OR6N1: variants seen among roughly 807,000 people sequenced by gnomAD.
OR6N1 encodes the protein olfactory receptor 6N1.
For missense variants in OR6N1, 394 were observed against 371.7 expected, an observed-to-expected ratio of 1.06 and a Z score of -0.49; for synonymous variants, 170 against 150.7, an observed-to-expected ratio of 1.13 and a Z score of -0.94.
chr1:158,777,667 A>C, the OR6N1 span: 4 of 1,423,492 alleles, frequency 2.8e-6, no homozygotes, highest in Admixed American at 3.7e-5. Context: ...AAAGAAGAAA[A>C]CATTGGATTG....
At chr1:158,830,268 G>T in the OR6N1 span, among the ~76,000 whole-genome samples, 1 of 152,126 alleles carries the variant, frequency 6.6e-6, no homozygotes, top group Non-Finnish European at 1.5e-5. Flanking sequence ...CTGAAACAAT[G>T]AACACCCACA....
chr1:158,814,923 AC>A, the OR6N1 span, among the ~76,000 whole-genome samples: 1 of 152,162 alleles, frequency 6.6e-6, no homozygotes, highest in Non-Finnish European at 1.5e-5. Flanking sequence ...ATGCAAACTG[AC>A]CAAGGGCTAT....
chr1:158,815,122 A>G, the OR6N1 span, among the ~76,000 whole-genome samples: 3 of 152,186 alleles, frequency 2.0e-5, no homozygotes, highest in African/African-American at 7.2e-5. Context: ...AGCCTGGAGC[A>G]CTGAGATAAT....
chr1:158,768,924 C>T (rs571436881), intron 1 of OR6N1, among the ~76,000 whole-genome samples: 1 of 152,132 alleles, frequency 6.6e-6, no homozygotes, highest in Non-Finnish European at 1.5e-5. Context: ...TTTATTGGTT[C>T]TCTCCTCTTT....
At chr1:158,815,431 T>G in the OR6N1 span, among the ~76,000 whole-genome samples, 1 of 152,110 alleles carries the variant, frequency 6.6e-6, no homozygotes. Context: ...TTGAGATGAC[T>G]GCAATGTAGG....
chr1:158,795,384 G>A, the OR6N1 span, among the ~76,000 whole-genome samples: 1 of 152,108 alleles, frequency 6.6e-6, no homozygotes, highest in Non-Finnish European at 1.5e-5. Context: ...ATAACACAGG[G>A]GCATCCAGCT....
chr1:158,769,229 T>C (rs545187328), intron 1 of OR6N1, among the ~76,000 whole-genome samples: 1 of 152,224 alleles, frequency 6.6e-6, no homozygotes, highest in African/African-American at 2.4e-5. Context: ...AGTGGCAGGA[T>C]CTCTGCTCAC....
chr1:158,801,139 TAGTC>T, the OR6N1 span, among the ~76,000 whole-genome samples: 29 of 151,326 alleles, frequency 1.9e-4, no homozygotes, highest in East Asian at 2.9e-3. Context: ...TTCTTGGTGT[TAGTC>T]AGTATGTTGC....
chr1:158,814,673 A>T, the OR6N1 span, among the ~76,000 whole-genome samples: 1 of 152,108 alleles, frequency 6.6e-6, no homozygotes, highest in African/African-American at 2.4e-5. Context: ...CACTAATCTC[A>T]TTCATAAGGG....
At chr1:158,792,471 A>G in the OR6N1 span, among the ~76,000 whole-genome samples, 6 of 152,070 alleles carry the variant, frequency 3.9e-5, no homozygotes, top group East Asian at 1.2e-3. Context: ...TCACTGTGTT[A>G]TTATTTTATA....
At chr1:158,769,238 A>T (rs1657352069) in intron 1 of OR6N1, among the ~76,000 whole-genome samples, 1 of 152,088 alleles carries the variant, frequency 6.6e-6, no homozygotes, top group South Asian at 2.1e-4. Context: ...ATCTCTGCTC[A>T]CTGTAGCCTT....
upstream of OR6N1, chr1:158,776,621 A>G (rs570449437): frequency 5.5e-6 from 5 of 912,548 alleles, no homozygotes; most frequent in Admixed American, 1.1e-4. Context: ...GATGATGGGA[A>G]GATTACTCAA....
the OR6N1 span, among the ~76,000 whole-genome samples, chr1:158,806,623 A>G: frequency 6.6e-6 from 1 of 152,192 alleles, no homozygotes; most frequent in Non-Finnish European, 1.5e-5. Context: ...TGATTCTGGT[A>G]TGCTGAGACT....
upstream of OR6N1, chr1:158,777,091 G>C: frequency 7.4e-6 from 12 of 1,614,170 alleles, no homozygotes; most frequent in Non-Finnish European, 1.0e-5. Flanking sequence ...CAGCAAAGGT[G>C]GAAAGTCACA....
the OR6N1 span, among the ~76,000 whole-genome samples, chr1:158,817,950 G>A: frequency 2.0e-5 from 3 of 152,188 alleles, no homozygotes; most frequent in Non-Finnish European, 4.4e-5. Context: ...GGAGACTAAG[G>A]ATGCGTCCTT....
the OR6N1 span, chr1:158,777,652 G>A: frequency 6.6e-7 from 1 of 1,519,754 alleles, no homozygotes; most frequent in South Asian, 1.2e-5. Flanking sequence ...CTGAGGTAAA[G>A]AAGGAAAGAA....
At chr1:158,833,857 G>A in the OR6N1 span, among the ~76,000 whole-genome samples, 1 of 152,046 alleles carries the variant, frequency 6.6e-6, no homozygotes, top group Admixed American at 6.6e-5. Flanking sequence ...CTTATTTTGG[G>A]AATATATCTA....
chr1:158,795,530 A>T, the OR6N1 span, among the ~76,000 whole-genome samples: 1 of 152,278 alleles, frequency 6.6e-6, no homozygotes, highest in African/African-American at 2.4e-5. Context: ...ATGCCAGTAG[A>T]CTTCTGCAAG....
At chr1:158,818,198 G>A in the OR6N1 span, among the ~76,000 whole-genome samples, 2 of 152,126 alleles carry the variant, frequency 1.3e-5, no homozygotes. Context: ...ATGAACACCA[G>A]ACTCATGATT....
Sources: allele counts gnomAD v4.1 joint callset (sites outside exome capture counted in the v4.1 genomes callset), GRCh38; gene constraint gnomAD v4.1.1; transcripts MANE v1.5; gene names NCBI Gene and HGNC (gene_info 2026-07-23, HGNC 2026-07-21).